TSEN2: variants seen among roughly 807,000 people sequenced by gnomAD.
TSEN2 encodes the protein tRNA splicing endonuclease subunit 2.
A neutral mutation model predicts 59.2 loss-of-function variants in TSEN2; 54 were observed. The ratio of observed to expected loss-of-function variants is 0.91; its 90% confidence interval spans 0.73 to 1.14. TSEN2 has a LOEUF of 1.14. Among genes scored for constraint, TSEN2 ranks in the 50% most tolerant of loss-of-function variants. The pLI, the probability that TSEN2 is intolerant of heterozygous loss-of-function variation, is 0.00. For synonymous variants in TSEN2, 195 were observed against 198.2 expected (o/e 0.98, Z 0.14); for missense variants, 636 against 576.2 (o/e 1.10, Z -1.06).
At chr3:12,524,099 T>C (rs1167364300) in intron 8 of TSEN2, among the ~76,000 whole-genome samples, 1 of 152,168 alleles carries the variant, frequency 6.6e-6, no homozygotes, top group East Asian at 1.9e-4. Flanking sequence ...TGTGGCTATT[T>C]TGGTTGTAAT....
intron 6 of TSEN2, among the ~76,000 whole-genome samples, chr3:12,510,891 C>A (rs557853580): frequency 6.6e-6 from 1 of 152,282 alleles, no homozygotes; most frequent in East Asian, 1.9e-4. Context: ...ATACTTACAG[C>A]AGAGCCTTTT....
At chr3:12,517,202 C>CA (rs1455409623) in intron 7 of TSEN2, among the ~76,000 whole-genome samples, 1 of 151,576 alleles carries the variant, frequency 6.6e-6, no homozygotes, top group Admixed American at 6.6e-5. Flanking sequence ...TAAAAAAATA[C>CA]AAAAAATTAG....
rs569408926 is a variant in TSEN2, at chr3:12,528,266, ACACT to A, written c.1100-616_1100-613del. Among the ~76,000 whole-genome samples the A allele has an allele frequency of 3.2e-4, 48 of 152,316 alleles. 1 individual carries two copies. Among genetic ancestry groups the A allele is most frequent in the Admixed American group, 6.5e-4 (10 of 15,294 alleles). On this transcript the variant is annotated intron_variant, in intron 8 of 11. Coordinates refer to ENST00000284995, the MANE Select transcript of TSEN2 (RefSeq NM_025265.4). ...AATTTTACACCTCTCAGTATGATTC[ACACT>A]CACTCTGGAGAGTGTAAGACAAGAG...
At chr3:12,485,569 C>T (rs749582717) in intron 1 of TSEN2, among the ~76,000 whole-genome samples, 1 of 151,896 alleles carries the variant, frequency 6.6e-6, no homozygotes, top group Non-Finnish European at 1.5e-5. Context: ...CAGTGGTTAG[C>T]TATATGTTAA....
At chr3:12,534,603 C>T (rs2057625623), downstream of TSEN2, among the ~76,000 whole-genome samples, 1 of 151,970 alleles carries the variant, frequency 6.6e-6, no homozygotes, top group Non-Finnish European at 1.5e-5. Flanking sequence ...GAGATCAAGA[C>T]CATCCTGGCT....
intron 3 of TSEN2, among the ~76,000 whole-genome samples, chr3:12,492,653 T>A (rs80191969): frequency 0.011 from 1,744 of 152,362 alleles, 36 homozygotes; most frequent in African/African-American, 0.04. Context: ...ATTCTCATGG[T>A]AATTACTTAA....
At chr3:12,493,016 A>G (rs1166014493) in intron 3 of TSEN2, among the ~76,000 whole-genome samples, 6 of 152,230 alleles carry the variant, frequency 3.9e-5, no homozygotes, top group African/African-American at 1.2e-4. Context: ...TTCATATATA[A>G]ATAACAATCA....
intron 7 of TSEN2, 104 bp downstream of exon 7, chr3:12,516,765 C>T: frequency 8.4e-7 from 1 of 1,185,954 alleles, no homozygotes; most frequent in Non-Finnish European, 1.2e-6. Context: ...TCTACTCTTA[C>T]TGAATAAAAT....
intron 6 of TSEN2, among the ~76,000 whole-genome samples, chr3:12,514,409 G>A (rs910196114): frequency 1.3e-5 from 2 of 152,118 alleles, no homozygotes; most frequent in Non-Finnish European, 2.9e-5. Flanking sequence ...TTAGGGGAAC[G>A]ACGTGATTTT....
intron 4 of TSEN2, among the ~76,000 whole-genome samples, chr3:12,499,539 AC>A (rs1284160739): frequency 6.6e-6 from 1 of 152,062 alleles, no homozygotes; most frequent in Non-Finnish European, 1.5e-5. Flanking sequence ...TGCCTGCATT[AC>A]CTCCTTTCAT....
At chr3:12,502,409 G>C (rs2054359305) in intron 4 of TSEN2, among the ~76,000 whole-genome samples, 1 of 152,122 alleles carries the variant, frequency 6.6e-6, no homozygotes, top group African/African-American at 2.4e-5. Context: ...GGTGACGCAA[G>C]CCTGTCATCC....
chr3:12,529,921 GTTT>G (rs35445022), intron 10 of TSEN2, 48 bp downstream of exon 10: 2 of 1,507,464 alleles, frequency 1.3e-6, no homozygotes, highest in Admixed American at 2.2e-5. Flanking sequence ...AAATGGTTCA[GTTT>G]TTTTTTTTTT....
chr3:12,533,827 T>C (rs1329193282), downstream of TSEN2, among the ~76,000 whole-genome samples: 3 of 152,082 alleles, frequency 2.0e-5, no homozygotes, highest in Non-Finnish European at 4.4e-5. Flanking sequence ...CTTACATGTT[T>C]GTTATATTTA....
At chr3:12,488,225 A>G (rs887330715) in intron 1 of TSEN2, among the ~76,000 whole-genome samples, 2 of 152,274 alleles carry the variant, frequency 1.3e-5, no homozygotes, top group Admixed American at 1.3e-4. Context: ...TGCCAATGGG[A>G]TGCAAGTACT....
At chr3:12,490,362 G>A (rs548042816) in intron 2 of TSEN2, among the ~76,000 whole-genome samples, 4 of 152,272 alleles carry the variant, frequency 2.6e-5, no homozygotes, top group Non-Finnish European at 5.9e-5. Context: ...CTCCCATCCC[G>A]TTCCCAGAGG....
downstream of TSEN2, among the ~76,000 whole-genome samples, chr3:12,535,931 T>G (rs2057664882): frequency 6.6e-6 from 1 of 152,214 alleles, no homozygotes; most frequent in Admixed American, 6.5e-5. Flanking sequence ...GAGCCTTGGT[T>G]TCCTCAACAG....
chr3:12,483,230 GC>G (rs2052266609), upstream of TSEN2, among the ~76,000 whole-genome samples: 1 of 152,184 alleles, frequency 6.6e-6, no homozygotes, highest in Non-Finnish European at 1.5e-5. Context: ...ATAACAATCA[GC>G]CGGGCGTGGT....
chr3:12,484,274 T>A (rs1230306020), upstream of TSEN2, among the ~76,000 whole-genome samples: 2 of 152,238 alleles, frequency 1.3e-5, no homozygotes, highest in Non-Finnish European at 2.9e-5. Flanking sequence ...CGTTCTGGCT[T>A]CCGTACAATC....
At chr3:12,497,752 G>A (rs1400812741) in intron 4 of TSEN2, among the ~76,000 whole-genome samples, 1 of 152,228 alleles carries the variant, frequency 6.6e-6, no homozygotes, top group Non-Finnish European at 1.5e-5. Context: ...GAGCACTACA[G>A]TATCCCAAGA....
Sources: gnomAD v4.1 joint callset for allele counts (sites outside exome capture counted in the v4.1 genomes callset) on GRCh38, gnomAD v4.1.1 for gene constraint, MANE v1.5 for transcripts, NCBI Gene and HGNC (gene_info 2026-07-23, HGNC 2026-07-21) for gene names.